Variants in TUT1 observed in about 807,000 individuals in gnomAD.
The protein encoded by TUT1 is terminal uridylyl transferase 1, U6 snRNA-specific.
TUT1 carries 26 observed loss-of-function variants against 48.8 expected under a neutral mutation model. That is an observed-to-expected ratio of 0.53 (90% CI 0.39 to 0.74). The LOEUF (loss-of-function observed/expected upper bound fraction) is 0.74. TUT1 is among the 30% of genes least tolerant of loss of function. The pLI is 0.00. For synonymous variants in TUT1, 470 were observed against 460.8 expected (o/e 1.02, Z -0.26); for missense variants, 1,065 against 1,114.8 (o/e 0.96, Z 0.64).
chr11:62,575,420 G>C lies in TUT1; in HGVS notation c.2299C>G (p.Arg767Gly). ...GASLPSSASWRCALWHRVWQG... is the reference protein window; with the variant it reads ...GASLPSSASWGCALWHRVWQG... ...CACACTCGGTGCCACAAGGCACAGC[G>C]CCAGCTCGCTGAGGAGGGCAGGGAT... The change falls in exon 9 of 9, where the codon CGC becomes GGC. Residue 767 changes from arginine to glycine, a missense_variant. By Grantham distance (125) the Arg-to-Gly change is moderately radical (BLOSUM62 -2). Transcript: ENST00000476907. The C allele has an allele frequency of 6.2e-7, 1 of 1,611,458 alleles. No individual in the cohort carries two copies. Among genetic ancestry groups the C allele is most frequent in the Non-Finnish European group, 8.5e-7 (1 of 1,179,990 alleles).
intron 2 of TUT1, chr11:62,582,527 T>G (rs1941845940): frequency 2.3e-6 from 1 of 440,672 alleles, no homozygotes; most frequent in African/African-American, 2.0e-5. Flanking sequence ...GCCCAGGATG[T>G]TGAGGCTGCA....
At chr11:62,591,359 G>T in intron 1 of TUT1, 45 bp downstream of exon 1, 2 of 1,503,600 alleles carry the variant, frequency 1.3e-6, no homozygotes, top group Non-Finnish European at 1.8e-6. Context: ...ATCAAAAGAC[G>T]AAAGCCCGCA....
At chr11:62,577,157 C>T (rs775557215) in intron 6 of TUT1, 25 bp downstream of exon 6, 2 of 1,603,480 alleles carry the variant, frequency 1.2e-6, no homozygotes, top group South Asian at 1.1e-5. Context: ...AACTCAGCCC[C>T]AAGTCTGTCC....
chr11:62,578,747 T>C lies in TUT1; in HGVS notation c.974A>G (p.Glu325Gly). 1 of 1,614,160 alleles carries C rather than the reference T, an allele frequency of 6.2e-7. No homozygotes were observed. The highest frequency in any genetic ancestry group is 8.5e-7 in the Non-Finnish European group (1 of 1,180,042). The change falls in exon 5 of 9, where the codon GAA becomes GGA. Residue 325 changes from glutamate to glycine, a missense_variant. By Grantham distance (98) the Glu-to-Gly change is moderately conservative (BLOSUM62 -2). Transcript: ENST00000476907. ...CTCCTCCTTTGGGGTCTCTGCTAGT[T>C]CCGAGGCCTTCCCCAGGTCCCCCTC... is the stretch of plus-strand genomic sequence containing the variant. Reference protein sequence around the residue: ...REEGDLGKASELAETPKEEKA... With the variant: ...REEGDLGKASGLAETPKEEKA...
Position 62,591,255 on chromosome 11 carries a change from C to T in TUT1, c.82+149G>A, listed in dbSNP as rs777879806. ...GTGGAACTTTCCCGACTCTCCAAAT[C>T]CCCTCGGACTTGCAGAGAAAAACGG... On this transcript the variant is annotated intron_variant, in intron 1 of 8. Transcript: ENST00000476907. 1.8e-3 allele frequency: 2,497 copies of T among 1,360,312 alleles called. 38 individuals carry two copies. Among genetic ancestry groups the T allele is most frequent in the Middle Eastern group, 1.6e-3 (6 of 3,694 alleles). 84.3% of individuals were successfully genotyped at this position (1,360,312 alleles called of 1,614,324 possible).
rs755777567 is a variant in TUT1 at position 62,581,198 on chromosome 11, CCA to C, written c.596_597del (p.Val199GlyfsTer10). On this transcript the variant is annotated frameshift_variant, in exon 4 of 9. Coordinates refer to ENST00000476907, the MANE Select transcript of TUT1 (RefSeq NM_022830.3). LOFTEE classifies it high-confidence loss of function. ...EVFTEFFPGCVVHPFGSSINS... is the reference protein window; with the variant it reads ...EVFTEFFPGCXVHPFGSSINS... ...TTTATGGAAGAGCCAAAAGGGTGGACCACACAGCCTGGGTGCCGAGCAGAGAA... is the reference window on the plus strand; with the variant it reads ...TTTATGGAAGAGCCAAAAGGGTGGACCACAGCCTGGGTGCCGAGCAGAGAA... 3 of 1,614,072 alleles carry C rather than the reference CCA, an allele frequency of 1.9e-6. No individual in the cohort carries two copies. In the Admixed American group the frequency reaches 5.0e-5, roughly 27 times the overall value.
chr11:62,579,454 T>C (rs561955086), intron 4 of TUT1, among the ~76,000 whole-genome samples: 1 of 152,296 alleles, frequency 6.6e-6, no homozygotes, highest in Non-Finnish European at 1.5e-5. Context: ...ATAACACACA[T>C]TGAAGTATTG....
Position 62,578,586 on chromosome 11 carries a change from G to A in TUT1, c.1135C>T (p.His379Tyr), listed in dbSNP as rs1941769674. The A allele has an allele frequency of 6.2e-7, 1 of 1,609,978 alleles. No homozygotes were observed. Among genetic ancestry groups the A allele is most frequent in the Admixed American group, 1.7e-5 (1 of 59,254 alleles). ...CGGTTACTGAGGGAGACATCACCGT[G>A]GAGACCTGAAGGCCGATGACAGAAC... ...VKFCHRPSGL[H>Y]GDVSLSNRLA... The change falls in exon 5 of 9, where the codon CAC (histidine) becomes TAC (tyrosine). Residue 379 changes from histidine (H) to tyrosine (Y), a missense_variant. Transcript: ENST00000476907.
intron 8 of TUT1, 102 bp downstream of exon 8, chr11:62,576,555 G>T: frequency 1.9e-6 from 2 of 1,051,010 alleles, no homozygotes; most frequent in East Asian, 2.5e-5. Flanking sequence ...TATCTCACAG[G>T]CTTTCTGTGA....
intron 2 of TUT1, among the ~76,000 whole-genome samples, chr11:62,584,085 G>GTTC (rs1219043712): frequency 6.6e-6 from 1 of 152,006 alleles, no homozygotes; most frequent in Non-Finnish European, 1.5e-5. Flanking sequence ...CAGTCATGAG[G>GTTC]GTTGAAGAAC....
chr11:62,591,104 TC>T (rs1166919722), intron 1 of TUT1, among the ~76,000 whole-genome samples: 1 of 122,708 alleles, frequency 8.1e-6, no homozygotes, highest in East Asian at 2.3e-4. Context: ...TGAACCCCCC[TC>T]CCCCACCCTA....
intron 2 of TUT1, among the ~76,000 whole-genome samples, chr11:62,588,004 G>A (rs1164284466): frequency 1.3e-5 from 2 of 152,214 alleles, no homozygotes; most frequent in Non-Finnish European, 2.9e-5. Context: ...TTCTTGTGGA[G>A]TTGATCCAAT....
Position 62,581,466 on chromosome 11 carries a change from C to T in TUT1, c.509G>A (p.Arg170Lys). 1 of 1,614,180 alleles carries T rather than the reference C, an allele frequency of 6.2e-7. No homozygotes were observed. Among genetic ancestry groups the T allele is most frequent in the Non-Finnish European group, 8.5e-7 (1 of 1,180,032 alleles). The change falls in exon 3 of 9, where the codon AGG (arginine) becomes AAG (lysine). Residue 170 changes from arginine (R) to lysine (K), a missense_variant. Physicochemically the swap from Arg to Lys is conservative, Grantham distance 26. Coordinates refer to ENST00000476907, the MANE Select transcript of TUT1 (RefSeq NM_022830.3). ...GAQMIKLVGL[R>K]ELSEAERQLR... The stretch of plus-strand genomic sequence containing the variant: ...CTGCCGCTCGGCCTCGGACAACTCC[C>T]TCAGCCCCACAAGCTTTATCATTTG...
intron 2 of TUT1, among the ~76,000 whole-genome samples, chr11:62,587,664 T>G (rs1378280076): frequency 1.3e-5 from 2 of 152,232 alleles, no homozygotes; most frequent in African/African-American, 4.8e-5. Flanking sequence ...TCCTATTGTT[T>G]AAGCCATTTG....
intron 1 of TUT1, among the ~76,000 whole-genome samples, chr11:62,589,798 G>A (rs571356003): frequency 6.6e-6 from 1 of 152,318 alleles, no homozygotes; most frequent in South Asian, 2.1e-4. Context: ...TTTGGACATG[G>A]TATAATATAG....
chr11:62,591,355 A>C (rs759619166), intron 1 of TUT1, 49 bp downstream of exon 1: 5 of 1,502,216 alleles, frequency 3.3e-6, no homozygotes, highest in Non-Finnish European at 4.4e-6. Flanking sequence ...CAGGATCAAA[A>C]GACGAAAGCC....
At chr11:62,588,783 CT>C (rs1941959225) in intron 2 of TUT1, among the ~76,000 whole-genome samples, 1 of 152,228 alleles carries the variant, frequency 6.6e-6, no homozygotes, top group Non-Finnish European at 1.5e-5. Flanking sequence ...CAACCTCCAC[CT>C]CCCGGGTTCA....
rs1339905554 is a variant in TUT1, at chr11:62,581,531, C to A, written c.444G>T (p.Gln148His). 6.2e-7 allele frequency: 1 copy of A among 1,614,174 alleles called. No individual in the cohort carries two copies. Among genetic ancestry groups the A allele is most frequent in the Admixed American group, 1.7e-5 (1 of 60,010 alleles). ...CAGCCTCAGCTAGCGCTTTGGCCAG[C>A]TGGTGACTGTCGGGGGCCGCTCCTT... The part of the protein sequence containing the change: ...SPKGAAPDSH[Q>H]LAKALAEAAD... The change falls in exon 3 of 9, where the codon CAG becomes CAT. Residue 148 changes from glutamine (Q) to histidine (H), a missense_variant. Gln to His is a conservative substitution (Grantham distance 24). Transcript: ENST00000476907.
chr11:62,576,086 A>G lies in TUT1; in HGVS notation c.1633T>C (p.Phe545Leu). The change falls in exon 9 of 9, where the codon TTT becomes CTT. Residue 545 changes from phenylalanine to leucine, a missense_variant. Physicochemically the swap from Phe to Leu is conservative, Grantham distance 22 (BLOSUM62 0). Transcript: ENST00000476907. ...GCTGCGACATTGTGACTCAGGTCAA[A>G]AGGGTCCTGGAGATTCAGGGGGCCA... The part of the protein sequence containing the change: ...RLGPLNLQDP[F>L]DLSHNVAANV... The G allele has an allele frequency of 6.2e-7, 1 of 1,613,988 alleles. No homozygotes were observed. Among genetic ancestry groups the G allele is most frequent in the Non-Finnish European group, 8.5e-7 (1 of 1,180,032 alleles).
Sources: allele counts gnomAD v4.1 joint callset (sites outside exome capture counted in the v4.1 genomes callset), GRCh38; gene constraint gnomAD v4.1.1; transcripts MANE v1.5; gene names NCBI Gene and HGNC (gene_info 2026-07-23, HGNC 2026-07-21).